RUNX2: variants seen among roughly 807,000 people sequenced by gnomAD.
RUNX2 encodes the protein runt-related transcription factor 2.
A neutral mutation model predicts 51.7 loss-of-function variants in RUNX2; 10 were observed. That is an observed-to-expected ratio of 0.19 (90% CI 0.12 to 0.33). The LOEUF (loss-of-function observed/expected upper bound fraction) is 0.33. Among genes scored for constraint, RUNX2 ranks in the 10% least tolerant of loss-of-function variants. RUNX2 has a pLI of 1.00. For missense variants in RUNX2, 562 were observed against 691.3 expected (o/e 0.81, Z 2.10); for synonymous variants, 276 against 273.6 (o/e 1.01, Z -0.09).
intron 2 of RUNX2, among the ~76,000 whole-genome samples, 184 bp downstream of exon 2, chr6:45,328,968 T>C (rs1437529453): frequency 2.6e-5 from 4 of 152,012 alleles, no homozygotes; most frequent in African/African-American, 9.7e-5. Flanking sequence ...CTGTAATGTA[T>C]CTAATTTTCA....
At chr6:45,460,976 A>C (rs1320674733) in intron 5 of RUNX2, among the ~76,000 whole-genome samples, 1 of 152,226 alleles carries the variant, frequency 6.6e-6, no homozygotes, top group East Asian at 1.9e-4. Flanking sequence ...TTTTGAAAGA[A>C]AGACAAGATC....
chr6:45,428,461 A>G (rs1164765408), intron 3 of RUNX2, among the ~76,000 whole-genome samples: 1 of 151,938 alleles, frequency 6.6e-6, no homozygotes, highest in African/African-American at 2.4e-5. Flanking sequence ...TGAATAGCAG[A>G]AAAAAAACCA....
At chr6:45,472,692 G>T (rs1285151752) in intron 5 of RUNX2, among the ~76,000 whole-genome samples, 1 of 152,142 alleles carries the variant, frequency 6.6e-6, no homozygotes, top group African/African-American at 2.4e-5. Flanking sequence ...TTTCCTTATA[G>T]TCTTTGTCTC....
chr6:45,512,409 T>TA lies in RUNX2; in HGVS notation c.1021+5dup. 6.2e-7 allele frequency: 1 copy of TA among 1,613,808 alleles called. No homozygotes were observed. The highest frequency in any genetic ancestry group is 8.5e-7 in the Non-Finnish European group (1 of 1,179,902). Reference sequence around the variant, plus strand: ...CCGATGTGCCTAGGCGCATTTCAGGTAAAGACCGTGCTTTAACTAAAAATC... The same window carrying TA: ...CCGATGTGCCTAGGCGCATTTCAGGTAAAAGACCGTGCTTTAACTAAAAATC... On this transcript the variant is annotated splice_region_variant and intron_variant, in intron 7 of 8. Transcript: ENST00000647337.
At chr6:45,533,882 T>C (rs1320957909) in intron 7 of RUNX2, among the ~76,000 whole-genome samples, 1 of 144,940 alleles carries the variant, frequency 6.9e-6, no homozygotes, top group Non-Finnish European at 1.5e-5. Flanking sequence ...CTTTCCCCTG[T>C]TGAGACTTTT....
intron 2 of RUNX2, among the ~76,000 whole-genome samples, chr6:45,386,068 C>CTTTTTTTTT: frequency 7.4e-6 from 1 of 135,044 alleles, no homozygotes; most frequent in Non-Finnish European, 1.6e-5. Flanking sequence ...CTTATTAGTG[C>CTTTTTTTTT]TTTTTTTTTT....
intron 2 of RUNX2, among the ~76,000 whole-genome samples, chr6:45,418,152 G>A (rs1231546479): frequency 8.4e-6 from 1 of 118,838 alleles, no homozygotes; most frequent in African/African-American, 3.2e-5. Context: ...ATTTTACAGG[G>A]ACTTATTCTA....
intron 4 of RUNX2, among the ~76,000 whole-genome samples, chr6:45,433,721 G>A (rs533228540): frequency 5.3e-5 from 8 of 152,178 alleles, no homozygotes; most frequent in African/African-American, 1.7e-4. Flanking sequence ...AACAAAGGGT[G>A]TGCACTGTTT....
intron 7 of RUNX2, among the ~76,000 whole-genome samples, chr6:45,544,753 G>T (rs1802343005): frequency 6.6e-6 from 1 of 152,222 alleles, no homozygotes; most frequent in Admixed American, 6.5e-5. Flanking sequence ...TGCAGAGGCT[G>T]CCTGAGGAAC....
intron 2 of RUNX2, among the ~76,000 whole-genome samples, chr6:45,410,645 G>A (rs778241371): frequency 3.9e-5 from 6 of 152,066 alleles, no homozygotes; most frequent in South Asian, 4.1e-4. Context: ...TTCTTCAATC[G>A]TGTGGTTCCA....
intron 7 of RUNX2, among the ~76,000 whole-genome samples, chr6:45,525,921 G>A (rs1019158851): frequency 1.3e-5 from 2 of 152,032 alleles, no homozygotes; most frequent in Non-Finnish European, 2.9e-5. Flanking sequence ...GAGCCAGGGA[G>A]GCTGAGGCTG....
intron 3 of RUNX2, among the ~76,000 whole-genome samples, chr6:45,427,184 T>C (rs545855460): frequency 3.9e-5 from 6 of 152,170 alleles, no homozygotes; most frequent in African/African-American, 1.2e-4. Context: ...GGAAAATAAA[T>C]ACTTATAAAA....
chr6:45,502,038 C>A (rs1272714110), intron 6 of RUNX2, among the ~76,000 whole-genome samples: 1 of 152,150 alleles, frequency 6.6e-6, no homozygotes, highest in Non-Finnish European at 1.5e-5. Flanking sequence ...TCCCAGAGAG[C>A]AAAACTAAGA....
At chr6:45,371,880 A>C (rs1796124535) in intron 2 of RUNX2, 1 of 967,766 alleles carries the variant, frequency 1.0e-6, no homozygotes. Flanking sequence ...CAAATCCCTC[A>C]TTTTTCAGGT....
chr6:45,530,996 T>A (rs1256686169), intron 7 of RUNX2, among the ~76,000 whole-genome samples: 1 of 152,198 alleles, frequency 6.6e-6, no homozygotes, highest in African/African-American at 2.4e-5. Context: ...TTTCATTTAA[T>A]CATTACAACG....
At chr6:45,330,345 A>T (rs1292356701) in intron 2 of RUNX2, among the ~76,000 whole-genome samples, 1 of 151,980 alleles carries the variant, frequency 6.6e-6, no homozygotes, top group African/African-American at 2.4e-5. Context: ...TTTTGTTACT[A>T]CTACCCAAGA....
chr6:45,336,706 T>C (rs945248919), intron 2 of RUNX2, among the ~76,000 whole-genome samples: 1 of 151,442 alleles, frequency 6.6e-6, no homozygotes, highest in Admixed American at 6.6e-5. Context: ...CACAGTATTT[T>C]TAATAAAGTA....
At chr6:45,509,887 G>C (rs763517464) in intron 6 of RUNX2, among the ~76,000 whole-genome samples, 1 of 152,176 alleles carries the variant, frequency 6.6e-6, no homozygotes, top group South Asian at 2.1e-4. Context: ...GCTTGCTCAG[G>C]AAGTCATCTG....
At chr6:45,404,412 C>T (rs867658197) in intron 2 of RUNX2, among the ~76,000 whole-genome samples, 7 of 152,144 alleles carry the variant, frequency 4.6e-5, no homozygotes, top group African/African-American at 1.4e-4. Context: ...TCCCCATGGC[C>T]CTGCCTCTTC....
Sources: allele counts gnomAD v4.1 joint callset (sites outside exome capture counted in the v4.1 genomes callset), GRCh38; gene constraint gnomAD v4.1.1; transcripts MANE v1.5; gene names NCBI Gene and HGNC (gene_info 2026-07-23, HGNC 2026-07-21).